RNF138: variants seen among roughly 807,000 people sequenced by gnomAD.
The protein encoded by RNF138 is E3 ubiquitin-protein ligase RNF138.
A neutral mutation model predicts 31.0 loss-of-function variants in RNF138; 12 were observed. The ratio of observed to expected loss-of-function variants is 0.39; its 90% CI spans 0.25 to 0.63. The LOEUF (loss-of-function observed/expected upper bound fraction) is 0.63. RNF138 is among the 20% of genes least tolerant of loss of function. The probability of loss-of-function intolerance (pLI) is 0.52; values close to 1 mark genes in which losing one functional copy is unlikely to be tolerated. For missense variants in RNF138, 192 were observed against 300.1 expected, an observed-to-expected ratio of 0.64 and a Z score of 2.66; for synonymous variants, 105 against 99.5, an observed-to-expected ratio of 1.06 and a Z score of -0.33.
In RNF138 at chr18:32,130,917, A is replaced by AAG. The variant is rs59015789; in HGVS notation, c.*1732_*1733dup. The AAG allele has an allele frequency of 0.66, 100,032 of 151,992 alleles. 33,161 individuals are homozygous for AAG. The highest frequency in any genetic ancestry group is 0.75 in the East Asian group (3,843 of 5,148). The allele number at this position is 151,992 out of a possible 1,614,324, so 9.4% of individuals were successfully genotyped here. On this transcript the variant is annotated 3_prime_UTR_variant, in exon 8 of 8. Transcript: ENST00000261593. Reference sequence around the variant, plus strand: ...GTAATTTAAAAAACAGCTCCTTTTTAAGACTTTTGACCATAGTGTTTTCCA... The same window carrying AAG: ...GTAATTTAAAAAACAGCTCCTTTTTAAGAGACTTTTGACCATAGTGTTTTCCA...
chr18:32,092,974 G>T, intron 2 of RNF138, 88 bp downstream of exon 2: 1 of 680,474 alleles, frequency 1.5e-6, no homozygotes, highest in East Asian at 3.4e-5. Flanking sequence ...CGCCTGGCGG[G>T]AACCGAGCCC....
chr18:32,104,566 G>T (rs757403892), intron 2 of RNF138, among the ~76,000 whole-genome samples: 4 of 152,168 alleles, frequency 2.6e-5, no homozygotes, highest in African/African-American at 4.8e-5. Flanking sequence ...GAAACAATAA[G>T]AGTACAGGGA....
In RNF138 at chr18:32,131,346, G is replaced by T. The variant is rs1180490831; in HGVS notation, c.*2159G>T. On this transcript the variant is annotated 3_prime_UTR_variant, in exon 8 of 8. Transcript: ENST00000261593. ...ATTGGGAATAGGGATAGACTTTACA[G>T]ATTTATGGAAATTAAATTTATGGGG... The T allele has an allele frequency of 6.7e-6, 1 of 149,992 alleles. No individual in the cohort carries two copies. The highest frequency in any genetic ancestry group is 1.5e-5 in the Non-Finnish European group (1 of 67,650). 9.3% of individuals were successfully genotyped at this position (149,992 alleles called of 1,614,324 possible).
At chr18:32,116,800 GTCTCGAAC>G (rs778228953) in intron 4 of RNF138, among the ~76,000 whole-genome samples, 14 of 152,186 alleles carry the variant, frequency 9.2e-5, no homozygotes, top group Admixed American at 1.3e-4. Flanking sequence ...GCCCATGCTG[GTCTCGAAC>G]TCCTGACCTC....
intron 2 of RNF138, among the ~76,000 whole-genome samples, chr18:32,103,410 C>T (rs1050533708): frequency 6.6e-6 from 1 of 151,998 alleles, no homozygotes; most frequent in South Asian, 2.1e-4. Context: ...CCAGGCTGGT[C>T]TTGAACTCCT....
chr18:32,112,598 T>G (rs531814414), intron 3 of RNF138, among the ~76,000 whole-genome samples: 10 of 152,270 alleles, frequency 6.6e-5, no homozygotes, highest in African/African-American at 2.2e-4. Context: ...GGCAGAATTG[T>G]TTGAACCTGG....
At chr18:32,119,404 C>T (rs972920176) in intron 4 of RNF138, among the ~76,000 whole-genome samples, 1 of 151,874 alleles carries the variant, frequency 6.6e-6, no homozygotes, top group Non-Finnish European at 1.5e-5. Context: ...TGCCTGGCCT[C>T]TTTCTCATTT....
At chr18:32,102,351 G>A (rs574119875) in intron 2 of RNF138, among the ~76,000 whole-genome samples, 123 of 149,884 alleles carry the variant, frequency 8.2e-4, no homozygotes, top group African/African-American at 2.8e-3. Flanking sequence ...ACAGGCGCCC[G>A]CCGCCACGCC....
At chr18:32,113,894 C>T (rs1442522951) in intron 4 of RNF138, 34 bp downstream of exon 4, 1 of 1,069,280 alleles carries the variant, frequency 9.4e-7, no homozygotes, top group Admixed American at 2.5e-5. Context: ...ACAGAATTTT[C>T]ATAATTGAAA....
At chr18:32,126,645 T>G in intron 6 of RNF138, 48 bp from the exon 7 acceptor site, 1 of 1,130,016 alleles carries the variant, frequency 8.8e-7, no homozygotes, top group Non-Finnish European at 1.3e-6. Context: ...TTGTATAATA[T>G]TTCATTGTTT....
intron 2 of RNF138, among the ~76,000 whole-genome samples, chr18:32,108,116 A>T (rs1223935123): frequency 6.6e-6 from 1 of 152,148 alleles, no homozygotes; most frequent in Non-Finnish European, 1.5e-5. Flanking sequence ...CGGCTCCTCA[A>T]GGTGCTGGGA....
chr18:32,127,699 A>G (rs912710858), intron 7 of RNF138, among the ~76,000 whole-genome samples: 14 of 152,360 alleles, frequency 9.2e-5, no homozygotes, highest in African/African-American at 3.4e-4. Context: ...ATTGTAAGAA[A>G]GATTGCTATG....
At position 32,104,999 on chromosome 18, in the gene RNF138, A is replaced by G. The variant is rs1319670537; in HGVS notation, c.111-6755A>G. On this transcript the variant is annotated intron_variant, in intron 2 of 7. Coordinates refer to ENST00000261593, the MANE Select transcript of RNF138 (RefSeq NM_016271.5). Reference sequence around the variant, plus strand: ...AGATATAATGAGATATTATGAAACAATAGTAATTAGTATGGTTGGCTTCTT... The same window carrying G: ...AGATATAATGAGATATTATGAAACAGTAGTAATTAGTATGGTTGGCTTCTT... 3.3e-5 allele frequency among the ~76,000 whole-genome samples: 5 copies of G among 152,330 alleles called. No individual in the cohort carries two copies. The South Asian group carries it at 8.3e-4, about 25-fold the overall frequency.
At chr18:32,106,495 T>C (rs2040029723) in intron 2 of RNF138, among the ~76,000 whole-genome samples, 1 of 152,154 alleles carries the variant, frequency 6.6e-6, no homozygotes, top group Non-Finnish European at 1.5e-5. Context: ...GGTGATCTAT[T>C]TTTACTTCCT....
rs183788907 is a variant in RNF138 at position 32,110,471 on chromosome 18, G to C, written c.111-1283G>C. ...CAGTTGTAGATACTTTTATTATTTC[G>C]TGAGTGAGGAAACTGATATTAGAGG... On this transcript the variant is annotated intron_variant, in intron 2 of 7. Transcript: ENST00000261593. Among the ~76,000 whole-genome samples the C allele has an allele frequency of 5.3e-5, 8 of 152,210 alleles. No individual in the cohort carries two copies. In the South Asian group the frequency reaches 1.7e-3, roughly 32 times the overall value.
chr18:32,119,300 A>G (rs531684062), intron 4 of RNF138, among the ~76,000 whole-genome samples: 2 of 152,188 alleles, frequency 1.3e-5, no homozygotes, highest in South Asian at 4.1e-4. Context: ...GGGTCTCGCT[A>G]TGTTTCCCAG....
chr18:32,102,195 CTTTTTT>C (rs1167535943), intron 2 of RNF138, among the ~76,000 whole-genome samples: 10 of 63,830 alleles, frequency 1.6e-4, no homozygotes, highest in African/African-American at 5.6e-4. Flanking sequence ...CTTTTAGTTT[CTTTTTT>C]TTTTTTTTTT....
chr18:32,107,902 G>C (rs963972222), intron 2 of RNF138, among the ~76,000 whole-genome samples: 1 of 150,436 alleles, frequency 6.6e-6, no homozygotes, highest in Non-Finnish European at 1.5e-5. Flanking sequence ...TCGCTCTGTC[G>C]CCCAGATTGG....
At chr18:32,096,028 A>G (rs1317787497) in intron 2 of RNF138, among the ~76,000 whole-genome samples, 2 of 152,222 alleles carry the variant, frequency 1.3e-5, no homozygotes, top group Non-Finnish European at 2.9e-5. Context: ...GGTACAGAGG[A>G]TGAATGTGAG....
Sources: allele counts gnomAD v4.1 joint callset (sites outside exome capture counted in the v4.1 genomes callset), GRCh38; gene constraint gnomAD v4.1.1; transcripts MANE v1.5; gene names NCBI Gene and HGNC (gene_info 2026-07-23, HGNC 2026-07-21).